SCARB2: variants seen among roughly 807,000 people sequenced by gnomAD.
SCARB2 encodes the protein lysosome membrane protein 2.
SCARB2 carries 29 observed loss-of-function variants against 58.6 expected under a neutral mutation model. The observed-to-expected ratio is 0.49, with a 90% confidence interval of 0.37 to 0.67. The LOEUF (loss-of-function observed/expected upper bound fraction) is 0.67, where lower values mean the gene tolerates loss of function less well. Among genes scored for constraint, SCARB2 ranks in the 30% least tolerant of loss-of-function variants. The pLI is 0.00. For synonymous variants in SCARB2, 195 were observed against 210.1 expected, an observed-to-expected ratio of 0.93 and a Z score of 0.62; for missense variants, 488 against 578.5, an observed-to-expected ratio of 0.84 and a Z score of 1.60.
In SCARB2 at chr4:76,164,237, GT is replaced by G. The variant is rs1338981601; in HGVS notation, c.1240-855del. ...TAATTTGCACTGGAGGCCTGGCATA[GT>G]TGCACACGCCTATAATCCCAGCACT... On this transcript the variant is annotated intron_variant, in intron 10 of 11. Coordinates refer to ENST00000264896, the MANE Select transcript of SCARB2 (RefSeq NM_005506.4). 3.3e-5 allele frequency: 5 copies of G among 152,430 alleles called. No homozygotes were observed. In the East Asian group the frequency reaches 9.6e-4, roughly 29 times the overall value. The allele number at this position is 152,430 out of a possible 1,614,324, so 9.4% of individuals were successfully genotyped here.
intron 10 of SCARB2, chr4:76,165,875 G>A (rs1346203927): frequency 1.2e-5 from 4 of 328,274 alleles, no homozygotes; most frequent in Non-Finnish European, 2.3e-5. Context: ...TCTTAAACCA[G>A]CATGGTTTCA....
chr4:76,207,416 T>A (rs1732950866), intron 1 of SCARB2, among the ~76,000 whole-genome samples: 1 of 152,176 alleles, frequency 6.6e-6, no homozygotes, highest in Non-Finnish European at 1.5e-5. Context: ...TCTGCAAGGG[T>A]AGAGACTGCC....
intron 1 of SCARB2, among the ~76,000 whole-genome samples, chr4:76,233,586 GCACACA>G (rs34421184): frequency 6.6e-6 from 1 of 150,756 alleles, no homozygotes; most frequent in African/African-American, 2.4e-5. Flanking sequence ...ACACACACAC[GCACACA>G]CACACACACA....
At chr4:76,222,571 ACCAG>A (rs1424978881) in intron 1 of SCARB2, among the ~76,000 whole-genome samples, 2 of 152,048 alleles carry the variant, frequency 1.3e-5, no homozygotes, top group Non-Finnish European at 2.9e-5. Context: ...CGCTGCCTCC[ACCAG>A]CCCTGTCCTA....
chr4:76,163,638 G>A (rs1028383309), intron 10 of SCARB2: 12 of 538,062 alleles, frequency 2.2e-5, no homozygotes, highest in African/African-American at 2.1e-4. Context: ...CAGAAATATT[G>A]AGACAGTATC....
intron 2 of SCARB2, 56 bp downstream of exon 2, chr4:76,195,651 G>T: frequency 6.7e-7 from 1 of 1,493,494 alleles, no homozygotes; most frequent in Non-Finnish European, 9.3e-7. Flanking sequence ...CAAGGACTCA[G>T]GCCATATTGG....
intron 4 of SCARB2, among the ~76,000 whole-genome samples, chr4:76,177,692 T>C (rs1003253424): frequency 7.9e-5 from 12 of 152,212 alleles, no homozygotes; most frequent in South Asian, 4.1e-4. Flanking sequence ...ATTCCTCAGT[T>C]ATAAAAAGGA....
upstream of SCARB2, among the ~76,000 whole-genome samples, chr4:76,218,806 T>C (rs1411694022): frequency 2.6e-5 from 4 of 152,088 alleles, no homozygotes; most frequent in Non-Finnish European, 4.4e-5. Context: ...AGTCAGGAGA[T>C]CAAAGAGGAG....
At chr4:76,164,330 A>T (rs1731957075) in intron 10 of SCARB2, 1 of 152,266 alleles carries the variant, frequency 6.6e-6, no homozygotes, top group Non-Finnish European at 1.5e-5. Flanking sequence ...CAATGTGGTG[A>T]AACCACCTCT....
chr4:76,222,683 TGTTGAAGTTCTC>T (rs1397819285), intron 1 of SCARB2, among the ~76,000 whole-genome samples: 1 of 152,238 alleles, frequency 6.6e-6, no homozygotes, highest in Non-Finnish European at 1.5e-5. Context: ...TGCTTGTCAC[TGTTGAAGTTCTC>T]TCAAACTCTA....
chr4:76,161,613 T>C lies in SCARB2; in HGVS notation c.*100A>G. 1 of 1,310,538 alleles carries C rather than the reference T, an allele frequency of 7.6e-7. No homozygotes were observed. Among genetic ancestry groups the C allele is most frequent in the Non-Finnish European group, 1.1e-6 (1 of 903,984 alleles). The allele number at this position is 1,310,538 out of a possible 1,614,324, so 81.2% of individuals were successfully genotyped here. A position where few individuals can be genotyped will look rare whatever the true frequency, so the allele number is the denominator to read the frequency against. ...GCCAGCGCCGTGTCTTTTTCCTTCT[T>C]TCAACAGGCAACAAGCCTGCAAGGA... On this transcript the variant is annotated 3_prime_UTR_variant, in exon 12 of 12. Transcript: ENST00000264896.
chr4:76,187,446 G>C (rs1445942497), intron 2 of SCARB2, among the ~76,000 whole-genome samples: 2 of 152,130 alleles, frequency 1.3e-5, no homozygotes, highest in Non-Finnish European at 2.9e-5. Flanking sequence ...GAGGTAACCA[G>C]AGGAGAAAAT....
chr4:76,191,557 T>C (rs1268928361), intron 2 of SCARB2, among the ~76,000 whole-genome samples: 1 of 152,066 alleles, frequency 6.6e-6, no homozygotes, highest in Admixed American at 6.5e-5. Context: ...TCCCCCTCTC[T>C]TACTTCCACC....
chr4:76,190,264 C>A (rs1240353033), intron 2 of SCARB2, among the ~76,000 whole-genome samples: 1 of 152,062 alleles, frequency 6.6e-6, no homozygotes, highest in African/African-American at 2.4e-5. Flanking sequence ...CCCACCTCAA[C>A]CCCCCAAAAT....
At chr4:76,176,345 A>G (rs2109944176) in intron 5 of SCARB2, 92 bp downstream of exon 5, 2 of 833,336 alleles carry the variant, frequency 2.4e-6, no homozygotes, top group East Asian at 2.5e-5. Context: ...CATCCAAAAA[A>G]GGCTAAACAC....
intron 4 of SCARB2, chr4:76,179,056 T>A (rs1206517899): frequency 1.2e-5 from 1 of 81,690 alleles, no homozygotes; most frequent in East Asian, 8.0e-4. Context: ...TGTTTTTGTT[T>A]TTTTTTTGGC....
upstream of SCARB2, among the ~76,000 whole-genome samples, chr4:76,218,473 G>C (rs1296650807): frequency 6.6e-6 from 1 of 152,220 alleles, no homozygotes; most frequent in African/African-American, 2.4e-5. Context: ...GGGACTCTCT[G>C]TGAAGTTACC....
At position 76,160,113 on chromosome 4, in the gene SCARB2, G is replaced by A. The variant is rs1731865735; in HGVS notation, c.*1600C>T. 6.6e-6 allele frequency: 1 copy of A among 151,924 alleles called. No homozygotes were observed. Among genetic ancestry groups the A allele is most frequent in the Non-Finnish European group, 1.5e-5 (1 of 67,988 alleles). 9.4% of individuals were successfully genotyped at this position (151,924 alleles called of 1,614,324 possible). A position where few individuals can be genotyped will look rare whatever the true frequency, so the allele number is the denominator to read the frequency against. ...GTTTAATGAATTGCCTCTTCAAGAG[G>A]GGAAATATATCACATATTGTTTTAG... is the stretch of plus-strand genomic sequence containing the variant. On this transcript the variant is annotated 3_prime_UTR_variant, in exon 12 of 12. Coordinates refer to ENST00000264896, the MANE Select transcript of SCARB2 (RefSeq NM_005506.4).
intron 1 of SCARB2, among the ~76,000 whole-genome samples, chr4:76,197,076 A>C (rs1483019428): frequency 6.6e-6 from 1 of 152,234 alleles, no homozygotes; most frequent in Non-Finnish European, 1.5e-5. Flanking sequence ...CAAGCCAAGA[A>C]GACAGGCCTC....
Sources: gnomAD v4.1 joint callset for allele counts (sites outside exome capture counted in the v4.1 genomes callset) on GRCh38, gnomAD v4.1.1 for gene constraint, MANE v1.5 for transcripts, NCBI Gene and HGNC (gene_info 2026-07-23, HGNC 2026-07-21) for gene names.